HSD17B12: variants seen among roughly 807,000 people sequenced by gnomAD.
HSD17B12 encodes very-long-chain 3-oxoacyl-CoA reductase.
Under a neutral mutation model 39.3 loss-of-function variants are expected in HSD17B12, and 32 were observed. That is an observed-to-expected ratio of 0.81 (90% confidence interval 0.61 to 1.09). The LOEUF is 1.09. Ranked by LOEUF, HSD17B12 falls within the 50% of genes least tolerant of loss-of-function variation. The pLI is 0.00. For missense variants in HSD17B12, 342 were observed against 382.9 expected (o/e 0.89, Z 0.89); for synonymous variants, 150 against 146.7 (o/e 1.02, Z -0.16).
At chr11:43,714,946 A>C (rs1447649454) in intron 1 of HSD17B12, among the ~76,000 whole-genome samples, 2 of 152,118 alleles carry the variant, frequency 1.3e-5, no homozygotes, top group African/African-American at 2.4e-5. Flanking sequence ...GGTGTATAAG[A>C]ATGCTTGTGA....
chr11:43,692,161 T>G (rs1212549246), intron 1 of HSD17B12, among the ~76,000 whole-genome samples: 1 of 152,272 alleles, frequency 6.6e-6, no homozygotes, highest in Non-Finnish European at 1.5e-5. Context: ...TAATATTTCA[T>G]GAGTGAATAC....
chr11:43,843,659 A>G (rs1240202920), intron 9 of HSD17B12, among the ~76,000 whole-genome samples: 1 of 151,968 alleles, frequency 6.6e-6, no homozygotes, highest in African/African-American at 2.4e-5. Context: ...TTCTCACTGT[A>G]TCTCCTCCCA....
the HSD17B12 span, among the ~76,000 whole-genome samples, chr11:43,557,717 GGA>G: frequency 6.6e-6 from 1 of 152,162 alleles, no homozygotes; most frequent in Non-Finnish European, 1.5e-5. Context: ...GTTTGCAGCA[GGA>G]AAGACAAGAG....
the HSD17B12 span, among the ~76,000 whole-genome samples, chr11:43,606,870 A>G: frequency 6.6e-6 from 1 of 152,196 alleles, no homozygotes; most frequent in African/African-American, 2.4e-5. Flanking sequence ...ACCCACATAA[A>G]AATCAGATGA....
intron 1 of HSD17B12, chr11:43,733,759 T>G: frequency 3.1e-6 from 2 of 655,230 alleles, no homozygotes; most frequent in Non-Finnish European, 5.6e-6. Flanking sequence ...AGAAGAAAAC[T>G]TGGCTGCCAA....
At position 43,680,816 on chromosome 11, in the gene HSD17B12, T is replaced by C; in HGVS notation, c.-12T>C. 1 of 1,612,132 alleles carries C rather than the reference T, an allele frequency of 6.2e-7. No homozygotes were observed. Among genetic ancestry groups the C allele is most frequent in the Non-Finnish European group, 8.5e-7 (1 of 1,178,202 alleles). On this transcript the variant is annotated 5_prime_UTR_variant, in exon 1 of 11. Transcript: ENST00000278353. ...TTTCATTCACGAAGGTAGTGAGGCC[T>C]AGTGGAAAGCCATGGAGAGCGCTCT... is the stretch of plus-strand genomic sequence containing the variant.
the HSD17B12 span, among the ~76,000 whole-genome samples, chr11:43,589,253 C>T: frequency 6.6e-6 from 1 of 152,130 alleles, no homozygotes; most frequent in African/African-American, 2.4e-5. Context: ...TTTGTCTCCT[C>T]CTAAAACACT....
At chr11:43,581,064 T>A in the HSD17B12 span, among the ~76,000 whole-genome samples, 2 of 151,900 alleles carry the variant, frequency 1.3e-5, no homozygotes, top group African/African-American at 4.8e-5. The surrounding 1 kb of genome is among the most constrained non-coding windows in gnomAD (Gnocchi z 4.9). Context: ...GGAACTCTGA[T>A]AGGGAGATAG....
the HSD17B12 span, among the ~76,000 whole-genome samples, chr11:43,615,095 T>C: frequency 6.6e-6 from 1 of 152,268 alleles, no homozygotes; most frequent in South Asian, 2.1e-4. Flanking sequence ...TGAAGAGCGT[T>C]GAGTTTTATT....
At chr11:43,681,263 G>C in intron 1 of HSD17B12, 1 of 755,672 alleles carries the variant, frequency 1.3e-6, no homozygotes, top group South Asian at 3.6e-5. Flanking sequence ...TAAGTCTCTG[G>C]GGCTTGTGCC....
At position 43,847,715 on chromosome 11, in the gene HSD17B12, C is replaced by CAGAA. The variant is rs1951490747; in HGVS notation, c.685-6999_685-6998insGAAA. 3.5e-5 allele frequency among the ~76,000 whole-genome samples: 3 copies of CAGAA among 85,700 alleles called. No homozygotes were observed. The Admixed American group carries it at 4.2e-4, about 12-fold the overall frequency. 56.2% of individuals were successfully genotyped at this position (85,700 alleles called of 152,430 possible). Reference sequence around the variant, plus strand: ...GGTGGCAGAGCAAGACTCTGCCTCACAAAAAAAAAAAAAAAAAAGAGAAAT... The same window carrying CAGAA: ...GGTGGCAGAGCAAGACTCTGCCTCACAGAAAAAAAAAAAAAAAAAAAAGAGAAAT... On this transcript the variant is annotated intron_variant, in intron 9 of 10. Coordinates refer to ENST00000278353, the MANE Select transcript of HSD17B12 (RefSeq NM_016142.3).
chr11:43,614,897 T>G, the HSD17B12 span, among the ~76,000 whole-genome samples: 1 of 152,198 alleles, frequency 6.6e-6, no homozygotes, highest in African/African-American at 2.4e-5. Context: ...TTGACATCTT[T>G]TAAAGTCCTT....
At chr11:43,803,335 C>T (rs949879793) in intron 4 of HSD17B12, among the ~76,000 whole-genome samples, 3 of 152,190 alleles carry the variant, frequency 2.0e-5, no homozygotes, top group Non-Finnish European at 4.4e-5. Flanking sequence ...CATACTCTCA[C>T]CTCTGTCTAG....
the HSD17B12 span, among the ~76,000 whole-genome samples, chr11:43,604,148 C>G: frequency 3.3e-5 from 5 of 152,136 alleles, no homozygotes; most frequent in African/African-American, 1.2e-4. Context: ...ATAATATGCA[C>G]TGTACCTGAA....
the HSD17B12 span, among the ~76,000 whole-genome samples, chr11:43,564,008 G>T: frequency 6.6e-6 from 1 of 151,910 alleles, no homozygotes; most frequent in Admixed American, 6.6e-5. Flanking sequence ...TCGAAAGATA[G>T]GTGCACGCCA....
intron 4 of HSD17B12, 54 bp from the exon 5 acceptor site, chr11:43,815,383 C>A: frequency 1.0e-6 from 1 of 973,592 alleles, no homozygotes; most frequent in South Asian, 1.8e-5. Flanking sequence ...ATTATTTTAA[C>A]AAATCTTTAA....
At chr11:43,784,193 G>T (rs967218569) in intron 3 of HSD17B12, among the ~76,000 whole-genome samples, 1 of 152,016 alleles carries the variant, frequency 6.6e-6, no homozygotes, top group African/African-American at 2.4e-5. Context: ...CATGGGAAAC[G>T]TTACTGGGGG....
the HSD17B12 span, among the ~76,000 whole-genome samples, chr11:43,566,529 C>T: frequency 6.6e-6 from 1 of 150,398 alleles, no homozygotes; most frequent in East Asian, 2.2e-4. Flanking sequence ...AACTGTGACC[C>T]AGAACTTTTT....
At position 43,817,020 on chromosome 11, in the gene HSD17B12, ATCTATATCTATATC is replaced by A. The variant is rs1454311392; in HGVS notation, c.501+631_501+644del. On this transcript the variant is annotated intron_variant, in intron 6 of 10. Transcript: ENST00000278353. ...TATCTATATCTATATCTATATCTAT[ATCTATATCTATATC>A]TATATCTATATATATATATATATAT... is the stretch of plus-strand genomic sequence containing the variant. Among the ~76,000 whole-genome samples, 4 of 28,274 alleles carry A rather than the reference ATCTATATCTATATC, an allele frequency of 1.4e-4. No individual in the cohort carries two copies. The East Asian group carries it at 5.3e-3, about 38-fold the overall frequency. 18.5% of individuals were successfully genotyped at this position (28,274 alleles called of 152,430 possible). A position where few individuals can be genotyped will look rare whatever the true frequency, so the allele number is the denominator to read the frequency against.
Sources: allele counts gnomAD v4.1 joint callset (sites outside exome capture counted in the v4.1 genomes callset), GRCh38; gene constraint gnomAD v4.1.1; non-coding constraint Gnocchi (gnomAD v3.1); transcripts MANE v1.5; gene names NCBI Gene and HGNC (gene_info 2026-07-23, HGNC 2026-07-21).